FGF12: variants seen among roughly 807,000 people sequenced by gnomAD.
The protein encoded by FGF12 is fibroblast growth factor 12.
FGF12 carries 14 observed loss-of-function variants against 23.6 expected under a neutral mutation model. The ratio of observed to expected loss-of-function variants is 0.59; its 90% CI spans 0.39 to 0.93. The LOEUF is 0.93. Ranked by LOEUF, FGF12 falls within the 40% of genes least tolerant of loss-of-function variation. The probability of loss-of-function intolerance (pLI) is 0.00; values close to 1 mark genes in which losing one functional copy is unlikely to be tolerated. For missense variants in FGF12, 175 were observed against 217.8 expected (o/e 0.80, Z 1.24); for synonymous variants, 62 against 77.3 (o/e 0.80, Z 1.04).
chr3:192,216,881 T>A (rs1029459323), intron 4 of FGF12, among the ~76,000 whole-genome samples: 2 of 152,232 alleles, frequency 1.3e-5, no homozygotes, highest in Non-Finnish European at 2.9e-5. Flanking sequence ...ACAACAATTT[T>A]TTCTTTGTAC....
At chr3:192,305,749 C>G (rs1460078609) in intron 4 of FGF12, among the ~76,000 whole-genome samples, 1 of 144,780 alleles carries the variant, frequency 6.9e-6, no homozygotes, top group Non-Finnish European at 1.5e-5. Context: ...AGTTAAGAGT[C>G]TTAGTTTTTG....
At chr3:192,181,242 TGA>T (rs1419173824) in intron 4 of FGF12, among the ~76,000 whole-genome samples, 3 of 152,020 alleles carry the variant, frequency 2.0e-5, no homozygotes, top group Non-Finnish European at 2.9e-5. Flanking sequence ...GGGCATTCAA[TGA>T]AGACCTCAGA....
chr3:192,636,018 G>A (rs1004911141), intron 2 of FGF12, among the ~76,000 whole-genome samples: 4 of 152,160 alleles, frequency 2.6e-5, no homozygotes, highest in African/African-American at 9.7e-5. Context: ...CTAGCTACCC[G>A]AAACACTGCA....
intron 2 of FGF12, among the ~76,000 whole-genome samples, chr3:192,578,799 A>C (rs534611726): frequency 6.6e-6 from 1 of 152,192 alleles, no homozygotes; most frequent in Non-Finnish European, 1.5e-5. Context: ...TGATTTGCGG[A>C]TTTGATTTTA....
chr3:192,161,565 T>C (rs6796629), intron 5 of FGF12, among the ~76,000 whole-genome samples: 2,464 of 151,556 alleles, frequency 0.016, 45 homozygotes, highest in Middle Eastern at 0.044. Context: ...AGGAAAAGCA[T>C]GACATCTGAA....
At chr3:192,161,982 A>C (rs1714908254) in intron 5 of FGF12, among the ~76,000 whole-genome samples, 1 of 152,170 alleles carries the variant, frequency 6.6e-6, no homozygotes, top group African/African-American at 2.4e-5. Flanking sequence ...TTCTGTTTTT[A>C]ATAAAACTAA....
chr3:192,575,654 C>CA (rs1560155724), intron 2 of FGF12, among the ~76,000 whole-genome samples: 2 of 150,436 alleles, frequency 1.3e-5, no homozygotes, highest in African/African-American at 4.9e-5. Context: ...TTTGCTAATG[C>CA]TTTTTTTTTG....
At chr3:192,566,379 G>A (rs1284045404) in intron 2 of FGF12, among the ~76,000 whole-genome samples, 1 of 152,112 alleles carries the variant, frequency 6.6e-6, no homozygotes, top group Non-Finnish European at 1.5e-5. Context: ...GGAAGACCAG[G>A]TATTAAAATG....
intron 2 of FGF12, among the ~76,000 whole-genome samples, chr3:192,668,336 T>A (rs1320419701): frequency 6.6e-6 from 1 of 152,132 alleles, no homozygotes; most frequent in Admixed American, 6.5e-5. Context: ...TACGGGGAAC[T>A]GGGAAGGAAT....
chr3:192,550,992 T>C (rs1711513489), intron 2 of FGF12, among the ~76,000 whole-genome samples: 1 of 152,162 alleles, frequency 6.6e-6, no homozygotes, highest in Admixed American at 6.5e-5. Context: ...ATAGATTGTG[T>C]ATGCAATATT....
chr3:192,697,150 C>T (rs972792029), intron 2 of FGF12, among the ~76,000 whole-genome samples: 2 of 151,914 alleles, frequency 1.3e-5, no homozygotes, highest in African/African-American at 4.8e-5. Flanking sequence ...CAGAAGGCAG[C>T]AGGCTAATGT....
chr3:192,532,871 T>C (rs1330367307), intron 2 of FGF12, among the ~76,000 whole-genome samples: 9 of 152,170 alleles, frequency 5.9e-5, no homozygotes, highest in Non-Finnish European at 1.2e-4. Context: ...CATAGTCATT[T>C]GGGGACATCA....
intron 2 of FGF12, among the ~76,000 whole-genome samples, chr3:192,405,667 T>G (rs1204386516): frequency 0.02 from 3,001 of 150,542 alleles, 109 homozygotes; most frequent in African/African-American, 0.071. Context: ...CGAATAGTTT[T>G]TCTTTTTGGT....
chr3:192,413,682 T>C lies in FGF12; in HGVS notation c.14-53144A>G, dbSNP rs529150950. The stretch of plus-strand genomic sequence containing the variant: ...TGAATGATTAACCTTGACATTGTCA[T>C]GGCAAACAGAATTTCATTAGTGGAA... On this transcript the variant is annotated intron_variant, in intron 2 of 5. Transcript: ENST00000445105. 3.9e-5 allele frequency among the ~76,000 whole-genome samples: 6 copies of C among 152,338 alleles called. No homozygotes were observed. The East Asian group carries it at 5.8e-4, about 15-fold the overall frequency.
chr3:192,450,929 G>T (rs183124604), intron 2 of FGF12, among the ~76,000 whole-genome samples: 1 of 152,272 alleles, frequency 6.6e-6, no homozygotes, highest in Admixed American at 6.5e-5. Flanking sequence ...GCACCTTTGT[G>T]TGACACTCAT....
chr3:192,297,806 T>C (rs1394542320), intron 4 of FGF12, among the ~76,000 whole-genome samples: 2 of 152,216 alleles, frequency 1.3e-5, no homozygotes, highest in Non-Finnish European at 2.9e-5. Context: ...TGTTTTGATA[T>C]GGTTAACATC....
intron 2 of FGF12, among the ~76,000 whole-genome samples, chr3:192,406,290 C>T (rs1227345718): frequency 6.6e-6 from 1 of 151,650 alleles, no homozygotes; most frequent in Non-Finnish European, 1.5e-5. Flanking sequence ...CATATATCCA[C>T]CTATCATTCT....
At chr3:192,704,927 A>G (rs750564552) in intron 2 of FGF12, among the ~76,000 whole-genome samples, 1 of 152,210 alleles carries the variant, frequency 6.6e-6, no homozygotes, top group Non-Finnish European at 1.5e-5. Context: ...CTAGTTTCTA[A>G]CTTTTATTGT....
chr3:192,546,913 T>G (rs1422817819), intron 2 of FGF12, among the ~76,000 whole-genome samples: 1 of 151,992 alleles, frequency 6.6e-6, no homozygotes, highest in South Asian at 2.1e-4. Context: ...TAGCCTGGCA[T>G]GGTGGCACAC....
Sources: gnomAD v4.1 joint callset for allele counts (sites outside exome capture counted in the v4.1 genomes callset) on GRCh38, gnomAD v4.1.1 for gene constraint, MANE v1.5 for transcripts, NCBI Gene and HGNC (gene_info 2026-07-23, HGNC 2026-07-21) for gene names.